The following ANKH variants were observed in gnomAD, a reference collection of about 807,000 sequenced individuals.
ANKH encodes the protein ANKH inorganic pyrophosphate transport regulator, also known as mineralization regulator ANKH.
ANKH carries 15 observed loss-of-function variants against 49.0 expected under a neutral mutation model. The observed-to-expected ratio is 0.31, with a 90% CI of 0.20 to 0.47. The LOEUF is 0.47. Among genes scored for constraint, ANKH ranks in the 20% least tolerant of loss-of-function variants. ANKH has a pLI of 1.00. For missense variants in ANKH, 429 were observed against 652.0 expected (o/e 0.66, Z 3.72); for synonymous variants, 273 against 260.0 (o/e 1.05, Z -0.48).
chr5:14,810,738 T>G (rs1740855560), intron 1 of ANKH, among the ~76,000 whole-genome samples: 1 of 152,196 alleles, frequency 6.6e-6, no homozygotes, highest in African/African-American at 2.4e-5. Flanking sequence ...CTACTCATCT[T>G]GCTTCCCTCA....
In ANKH at chr5:14,709,724, G is replaced by A. The variant is rs1372229784; in HGVS notation, c.*1473C>T. The A allele has an allele frequency of 1.3e-5, 2 of 152,528 alleles. No homozygotes were observed. Among genetic ancestry groups the A allele is most frequent in the African/African-American group, 2.4e-5 (1 of 41,396 alleles). The allele number at this position is 152,528 out of a possible 1,614,324, so 9.4% of individuals were successfully genotyped here. A position where few individuals can be genotyped will look rare whatever the true frequency, so the allele number is the denominator to read the frequency against. Reference sequence around the variant, plus strand: ...AGCCTTACATTCAAATGCAAATGACGGACTTTATAAAACTGCTGCCAATAA... The same window carrying A: ...AGCCTTACATTCAAATGCAAATGACAGACTTTATAAAACTGCTGCCAATAA... On this transcript the variant is annotated 3_prime_UTR_variant, in exon 12 of 12. Transcript: ENST00000284268.
chr5:14,729,641 G>T (rs1737933518), intron 8 of ANKH, among the ~76,000 whole-genome samples: 1 of 152,142 alleles, frequency 6.6e-6, no homozygotes, highest in Admixed American at 6.5e-5. Flanking sequence ...GGTGGTCAGA[G>T]CCTGGGTTCC....
rs548960612 is a variant in ANKH at position 14,784,325 on chromosome 5, C to A, written c.97-15134G>T. ...GGTTCCTGGTTAATATACGGTGCTACCAAATAGAACCAGTGAGACTGCCAG... is the reference window on the plus strand; with the variant it reads ...GGTTCCTGGTTAATATACGGTGCTAACAAATAGAACCAGTGAGACTGCCAG... On this transcript the variant is annotated intron_variant, in intron 1 of 11. Transcript: ENST00000284268. Among the ~76,000 whole-genome samples, 26 of 152,268 alleles carry A rather than the reference C, an allele frequency of 1.7e-4. No homozygotes were observed. The South Asian group carries it at 5.0e-3, about 29-fold the overall frequency.
At chr5:14,847,702 G>A (rs1343283361) in intron 1 of ANKH, among the ~76,000 whole-genome samples, 5 of 152,182 alleles carry the variant, frequency 3.3e-5, no homozygotes, top group Non-Finnish European at 7.3e-5. Context: ...CTATAGATAT[G>A]GACCCAGTCT....
chr5:14,760,842 T>C (rs1182396185), intron 2 of ANKH, among the ~76,000 whole-genome samples: 1 of 152,184 alleles, frequency 6.6e-6, no homozygotes, highest in Non-Finnish European at 1.5e-5. Context: ...GACTATGGAA[T>C]TGGTGAAAGG....
chr5:14,854,258 C>T (rs945249318), intron 1 of ANKH, among the ~76,000 whole-genome samples: 4 of 152,148 alleles, frequency 2.6e-5, no homozygotes, highest in Non-Finnish European at 4.4e-5. Context: ...TATTCACTGC[C>T]GTTCCCACTG....
chr5:14,783,846 T>C (rs1739889565), intron 1 of ANKH, among the ~76,000 whole-genome samples: 1 of 151,742 alleles, frequency 6.6e-6, no homozygotes, highest in Non-Finnish European at 1.5e-5. Context: ...ATACAGGAGG[T>C]AGTAAGTGCC....
At chr5:14,740,808 C>A (rs1170843278) in intron 8 of ANKH, among the ~76,000 whole-genome samples, 1 of 152,248 alleles carries the variant, frequency 6.6e-6, no homozygotes, top group Non-Finnish European at 1.5e-5. Context: ...AGCCCCTGTG[C>A]TCCCGTTATT....
intron 8 of ANKH, among the ~76,000 whole-genome samples, chr5:14,731,483 C>A (rs1212828656): frequency 2.0e-5 from 3 of 152,086 alleles, no homozygotes; most frequent in Admixed American, 1.3e-4. Context: ...CAAACCCCAG[C>A]TCTCTCTCTG....
At chr5:14,775,215 C>T (rs1270273183) in intron 1 of ANKH, among the ~76,000 whole-genome samples, 1 of 152,018 alleles carries the variant, frequency 6.6e-6, no homozygotes, top group Non-Finnish European at 1.5e-5. Context: ...TGCACCATCA[C>T]ATTTGGTTAA....
At chr5:14,833,430 C>A (rs1741562781) in intron 1 of ANKH, among the ~76,000 whole-genome samples, 1 of 152,140 alleles carries the variant, frequency 6.6e-6, no homozygotes, top group Admixed American at 6.5e-5. Context: ...AGTCTCCTAC[C>A]CTGCAGAGCT....
intron 1 of ANKH, among the ~76,000 whole-genome samples, chr5:14,850,014 G>A (rs888949789): frequency 2.6e-5 from 4 of 152,112 alleles, no homozygotes; most frequent in Admixed American, 2.0e-4. Flanking sequence ...CCCTGACCTC[G>A]TTCCTTCAGG....
rs907711641 is a variant in ANKH at position 14,758,989 on chromosome 5, C to A, written c.314-391G>T. 3.9e-5 allele frequency among the ~76,000 whole-genome samples: 6 copies of A among 152,290 alleles called. No homozygotes were observed. The East Asian group carries it at 9.6e-4, about 24-fold the overall frequency. On this transcript the variant is annotated intron_variant, in intron 2 of 11. Transcript: ENST00000284268. ...CAGCTTGCCCAGTCTCCTATTGCTA[C>A]ACAGTGAGGTGGTTTCCATCATTTT...
chr5:14,816,886 A>AC lies in ANKH; in HGVS notation c.97-47696dup, dbSNP rs150565346. Among the ~76,000 whole-genome samples the AC allele has an allele frequency of 3.9e-3, 601 of 152,326 alleles. 3 individuals are homozygous for AC. The highest frequency in any genetic ancestry group is 5.1e-3 in the Non-Finnish European group (349 of 68,024). ...CATTTGGGATGTGACCAAAGGAAGG[A>AC]CCAGGGACTGAGAGCTCGAGCTTTT... On this transcript the variant is annotated intron_variant, in intron 1 of 11. Transcript: ENST00000284268.
At position 14,788,668 on chromosome 5, in the gene ANKH, G is replaced by A. The variant is rs187771374; in HGVS notation, c.97-19477C>T. 3.1e-4 allele frequency among the ~76,000 whole-genome samples: 47 copies of A among 152,278 alleles called. No homozygotes were observed. In the East Asian group the frequency reaches 7.5e-3, roughly 24 times the overall value. The stretch of plus-strand genomic sequence containing the variant: ...GAGGATGAACTCAGGAGTTGAAGAT[G>A]GAAAAAGTGGTGGAGAAGGCAGTAG... On this transcript the variant is annotated intron_variant, in intron 1 of 11. Transcript: ENST00000284268.
chr5:14,749,065 A>C, intron 6 of ANKH, 107 bp downstream of exon 6: 1 of 1,472,758 alleles, frequency 6.8e-7, no homozygotes, highest in Non-Finnish European at 9.5e-7. Flanking sequence ...ATGTAATTTA[A>C]TATTGGGGAA....
At chr5:14,752,969 G>A (rs759568741) in intron 4 of ANKH, among the ~76,000 whole-genome samples, 3 of 152,192 alleles carry the variant, frequency 2.0e-5, no homozygotes, top group Admixed American at 1.3e-4. Flanking sequence ...GAAGCTTCTC[G>A]TTGCTGTGTT....
At chr5:14,776,300 T>G (rs191095220) in intron 1 of ANKH, among the ~76,000 whole-genome samples, 53 of 152,256 alleles carry the variant, frequency 3.5e-4, no homozygotes, top group African/African-American at 1.3e-3. Flanking sequence ...AGATGCCCAT[T>G]AGGATTCCAA....
intron 1 of ANKH, among the ~76,000 whole-genome samples, chr5:14,836,276 G>T (rs1741650352): frequency 6.6e-6 from 1 of 152,180 alleles, no homozygotes; most frequent in African/African-American, 2.4e-5. Context: ...AGAGCAATCA[G>T]GCAGGAGAAA....
Sources: allele counts gnomAD v4.1 joint callset (sites outside exome capture counted in the v4.1 genomes callset), GRCh38; gene constraint gnomAD v4.1.1; transcripts MANE v1.5; gene names NCBI Gene and HGNC (gene_info 2026-07-23, HGNC 2026-07-21).